The following EEIG2 variants were observed in gnomAD, a reference collection of about 807,000 sequenced individuals.
EEIG2 encodes EEIG family member 2.
the EEIG2 span, among the ~76,000 whole-genome samples, chr1:108,605,865 C>A: frequency 6.6e-6 from 1 of 152,046 alleles, no homozygotes; most frequent in Non-Finnish European, 1.5e-5. Flanking sequence ...CTGTTGAAAT[C>A]TTTCTATATT....
the EEIG2 span, chr1:108,627,079 A>G: frequency 6.6e-6 from 1 of 152,230 alleles, no homozygotes; most frequent in African/African-American, 2.4e-5. Flanking sequence ...CTGACTGGGT[A>G]AAATATTAAT....
chr1:108,600,791 T>C, the EEIG2 span: 2 of 1,173,132 alleles, frequency 1.7e-6, no homozygotes, highest in Non-Finnish European at 2.4e-6. Context: ...ATTAGAACTG[T>C]ATATGCAGTT....
At chr1:108,577,865 A>C in the EEIG2 span, among the ~76,000 whole-genome samples, 1 of 151,386 alleles carries the variant, frequency 6.6e-6, no homozygotes, top group East Asian at 1.9e-4. Context: ...TGGGGATGGC[A>C]TTGAATCAGT....
the EEIG2 span, among the ~76,000 whole-genome samples, chr1:108,579,729 T>G: frequency 7.1e-6 from 1 of 141,774 alleles, no homozygotes. Context: ...TGTTTTTCCT[T>G]GTTTTTTTGG....
chr1:108,566,199 T>C, the EEIG2 span, among the ~76,000 whole-genome samples: 2 of 152,336 alleles, frequency 1.3e-5, no homozygotes, highest in Middle Eastern at 3.4e-3. Flanking sequence ...AAGTCACTTT[T>C]GAAAGGCTTT....
the EEIG2 span, among the ~76,000 whole-genome samples, chr1:108,577,633 G>A: frequency 1.5e-5 from 1 of 67,046 alleles, no homozygotes; most frequent in East Asian, 3.9e-4. Flanking sequence ...ATTTCTGAGG[G>A]CTCTGTTCTG....
the EEIG2 span, among the ~76,000 whole-genome samples, chr1:108,579,742 T>G: frequency 3.6e-5 from 2 of 56,154 alleles, no homozygotes; most frequent in Admixed American, 2.3e-4. Context: ...TTTTTTGGTG[T>G]GTGTGTGTGT....
the EEIG2 span, chr1:108,638,661 AGTTGAAATTGT>A: frequency 7.8e-6 from 1 of 127,686 alleles, no homozygotes; most frequent in Non-Finnish European, 1.6e-5. Flanking sequence ...CAAGCACTGT[AGTTGAAATTGT>A]GTTATGCCAC....
the EEIG2 span, among the ~76,000 whole-genome samples, chr1:108,620,905 G>A: frequency 6.6e-6 from 1 of 152,144 alleles, no homozygotes; most frequent in South Asian, 2.1e-4. Context: ...TGTCACTGGG[G>A]CACACAGGAT....
chr1:108,576,359 A>G, the EEIG2 span, among the ~76,000 whole-genome samples: 3 of 150,770 alleles, frequency 2.0e-5, no homozygotes, highest in Non-Finnish European at 4.4e-5. Context: ...GGTTAGTTAC[A>G]TATGTATACA....
At chr1:108,591,558 A>C in the EEIG2 span, among the ~76,000 whole-genome samples, 1 of 152,236 alleles carries the variant, frequency 6.6e-6, no homozygotes, top group African/African-American at 2.4e-5. Flanking sequence ...CAATCATAGG[A>C]GACTCTGCCA....
chr1:108,631,352 C>G, the EEIG2 span, among the ~76,000 whole-genome samples: 1 of 152,224 alleles, frequency 6.6e-6, no homozygotes, highest in African/African-American at 2.4e-5. Flanking sequence ...TGCTTTGATG[C>G]TACAGTAGCA....
chr1:108,628,446 G>A, the EEIG2 span: 3 of 1,613,974 alleles, frequency 1.9e-6, no homozygotes, highest in South Asian at 2.2e-5. Context: ...CTCTGCCACA[G>A]GAGAAATACC....
At chr1:108,576,369 A>C in the EEIG2 span, among the ~76,000 whole-genome samples, 1 of 150,672 alleles carries the variant, frequency 6.6e-6, no homozygotes, top group Admixed American at 6.6e-5. Flanking sequence ...ATATGTATAC[A>C]TGTGCCATGC....
At chr1:108,636,203 A>G in the EEIG2 span, 1 of 152,198 alleles carries the variant, frequency 6.6e-6, no homozygotes, top group Non-Finnish European at 1.5e-5. Context: ...AGAATATAAC[A>G]TCTATCAAAT....
At chr1:108,631,792 GT>G in the EEIG2 span, among the ~76,000 whole-genome samples, 1 of 151,860 alleles carries the variant, frequency 6.6e-6, no homozygotes, top group African/African-American at 2.4e-5. Context: ...TTAGTTTGGT[GT>G]TTTTTTAATG....
At chr1:108,630,624 T>C in the EEIG2 span, among the ~76,000 whole-genome samples, 15 of 152,312 alleles carry the variant, frequency 9.8e-5, no homozygotes, top group African/African-American at 3.6e-4. Context: ...TTGCTAGTTA[T>C]TCAGATGCAG....
At chr1:108,617,034 AG>A in the EEIG2 span, among the ~76,000 whole-genome samples, 1 of 152,168 alleles carries the variant, frequency 6.6e-6, no homozygotes, top group African/African-American at 2.4e-5. Context: ...CACTGGCATT[AG>A]GGGGAAGAGT....
the EEIG2 span, chr1:108,560,703 G>GCACTT: frequency 9.3e-7 from 1 of 1,071,282 alleles, no homozygotes; most frequent in South Asian, 1.7e-5. Context: ...GATCTGCAAA[G>GCACTT]TGCTTTGCAA....
Sources: gnomAD v4.1 joint callset for allele counts (sites outside exome capture counted in the v4.1 genomes callset) on GRCh38, gnomAD v4.1.1 for gene constraint, MANE v1.5 for transcripts, NCBI Gene and HGNC (gene_info 2026-07-23, HGNC 2026-07-21) for gene names.